SAP130: variants seen among roughly 807,000 people sequenced by gnomAD.
SAP130 encodes the protein histone deacetylase complex subunit SAP130.
Under a neutral mutation model 103.2 loss-of-function variants are expected in SAP130, and 16 were observed. The ratio of observed to expected loss-of-function variants is 0.16; its 90% CI spans 0.10 to 0.24. The LOEUF (loss-of-function observed/expected upper bound fraction) is 0.24, where lower values mean the gene tolerates loss of function less well. Ranked by LOEUF, SAP130 falls within the 10% of genes least tolerant of loss-of-function variation. SAP130 has a pLI of 1.00. For synonymous variants in SAP130, 477 were observed against 497.0 expected (o/e 0.96, Z 0.53); for missense variants, 990 against 1,359.7 (o/e 0.73, Z 4.28).
At chr2:128,017,573 A>C in intron 3 of SAP130, 107 bp downstream of exon 3, 1 of 991,928 alleles carries the variant, frequency 1.0e-6, no homozygotes, top group Non-Finnish European at 1.5e-6. Flanking sequence ...ATAAAGAAAA[A>C]ATGAAATGTG....
intron 14 of SAP130, among the ~76,000 whole-genome samples, 166 bp from the exon 15 acceptor site, chr2:127,978,255 T>C (rs1248794815): frequency 6.6e-6 from 1 of 151,900 alleles, no homozygotes; most frequent in Non-Finnish European, 1.5e-5. Context: ...ACAGACACAT[T>C]ACCAAAAAAC....
rs1157586065 is a variant in SAP130 at position 128,016,449 on chromosome 2, G to T, written c.447C>A (p.Thr149=). The T allele has an allele frequency of 2.5e-6, 4 of 1,613,954 alleles. No homozygotes were observed. Among genetic ancestry groups the T allele is most frequent in the African/African-American group, 2.7e-5 (2 of 74,900 alleles). ...AAGCTTGAGGGATGCTACTCTCCAT[G>T]GTAACGGTAACCTGCCCTGGAACCT... ...PPKVPGQVTV[T]MESSIPQASA... The change falls in exon 4 of 21, where the codon ACC becomes ACA. Residue 149 remains threonine, a synonymous_variant. Transcript: ENST00000643581.
chr2:128,023,168 T>C (rs1310345968), intron 2 of SAP130, among the ~76,000 whole-genome samples: 2 of 152,098 alleles, frequency 1.3e-5, no homozygotes, highest in African/African-American at 4.8e-5. Context: ...CTAATTTTTG[T>C]ATTTTTAGTA....
Position 127,950,219 on chromosome 2 carries a change from G to A in SAP130, c.2612C>T (p.Thr871Ile). The change falls in exon 17 of 21, where the codon ACT (threonine) becomes ATT (isoleucine). Residue 871 changes from threonine (T) to isoleucine (I), a missense_variant. By Grantham distance (89) the Thr-to-Ile change is moderately conservative. This residue lies in a region of SAP130 where 61 missense variants were observed against 73.8 expected (regional missense o/e 0.83). Coordinates refer to ENST00000643581, the MANE Select transcript of SAP130 (RefSeq NM_001330301.2). Reference protein sequence around the residue: ...ETNSTDDEKSTAKSLLVKAEK... With the variant: ...ETNSTDDEKSIAKSLLVKAEK... ...AGCCTTCACCAGAAGACTCTTGGCAGTGGACTTCTCATCATCAGTGCTGTT... is the reference window on the plus strand; with the variant it reads ...AGCCTTCACCAGAAGACTCTTGGCAATGGACTTCTCATCATCAGTGCTGTT... The A allele has an allele frequency of 6.2e-6, 10 of 1,614,190 alleles. No homozygotes were observed. The highest frequency in any genetic ancestry group is 8.5e-6 in the Non-Finnish European group (10 of 1,180,016).
rs189287092 is a variant in SAP130 at position 127,956,892 on chromosome 2, A to G, written c.2064-1548T>C. 1.5e-3 allele frequency among the ~76,000 whole-genome samples: 227 copies of G among 152,278 alleles called. 2 individuals carry two copies. Among genetic ancestry groups the G allele is most frequent in the South Asian group, 6.0e-3 (29 of 4,828 alleles). On this transcript the variant is annotated intron_variant, in intron 15 of 20. Transcript: ENST00000643581. ...CCACTTCTTACTAACCAAAGGTCACAGAAGTTTCTGTGTTGTTGTTGAGTG... is the reference window on the plus strand; with the variant it reads ...CCACTTCTTACTAACCAAAGGTCACGGAAGTTTCTGTGTTGTTGTTGAGTG...
At chr2:128,026,106 T>C (rs775549772) in intron 2 of SAP130, 75 bp downstream of exon 2, 146 of 953,184 alleles carry the variant, frequency 1.5e-4, no homozygotes, top group Non-Finnish European at 2.1e-4. Flanking sequence ...TAGAAGAATC[T>C]GCTAATTTTT....
At chr2:128,024,063 T>C (rs1040667346) in intron 2 of SAP130, among the ~76,000 whole-genome samples, 1 of 151,952 alleles carries the variant, frequency 6.6e-6, no homozygotes, top group African/African-American at 2.4e-5. Context: ...AGTCCCAAAG[T>C]CGTGAAATTG....
chr2:127,944,692 C>T (rs1678948012), intron 19 of SAP130, among the ~76,000 whole-genome samples: 1 of 152,060 alleles, frequency 6.6e-6, no homozygotes, highest in African/African-American at 2.4e-5. Context: ...TCCCAAAGTG[C>T]TGGGATTACA....
At chr2:127,961,039 G>T (rs530787047) in intron 15 of SAP130, among the ~76,000 whole-genome samples, 6 of 149,604 alleles carry the variant, frequency 4.0e-5, no homozygotes, top group African/African-American at 1.5e-4. Flanking sequence ...GCCCAGACTG[G>T]AGTACAGTGG....
chr2:127,948,368 C>A (rs1430980395), intron 18 of SAP130, among the ~76,000 whole-genome samples: 1 of 123,830 alleles, frequency 8.1e-6, no homozygotes, highest in East Asian at 2.4e-4. Flanking sequence ...GAGTCTTGCT[C>A]GGTCACCCAG....
At chr2:127,991,764 A>G (rs1180157125) in intron 12 of SAP130, among the ~76,000 whole-genome samples, 1 of 152,218 alleles carries the variant, frequency 6.6e-6, no homozygotes, top group East Asian at 1.9e-4. Context: ...TGATTTCATA[A>G]AGCCTACAAC....
At position 128,026,326 on chromosome 2, in the gene SAP130, T is replaced by C. The variant is rs775622855; in HGVS notation, c.-6-28A>G. On this transcript the variant is annotated intron_variant, in intron 1 of 20. Transcript: ENST00000643581. ...GTAGTACATACAGTTATATGGTTAT[T>C]ACTAGATTCTGAGATCTGAATCAAT... 16 of 1,466,084 alleles carry C rather than the reference T, an allele frequency of 1.1e-5. No individual in the cohort carries two copies. The South Asian group carries it at 1.7e-4, about 16-fold the overall frequency. The allele number at this position is 1,466,084 out of a possible 1,614,324, so 90.8% of individuals were successfully genotyped here.
intron 15 of SAP130, among the ~76,000 whole-genome samples, chr2:127,963,545 C>T (rs561820037): frequency 6.6e-6 from 1 of 152,268 alleles, no homozygotes; most frequent in Admixed American, 6.5e-5. Context: ...GTCAAATTTC[C>T]CAAAACTTTC....
At chr2:128,005,414 C>T (rs1011532011) in intron 7 of SAP130, among the ~76,000 whole-genome samples, 2 of 151,902 alleles carry the variant, frequency 1.3e-5, no homozygotes, top group Non-Finnish European at 2.9e-5. Context: ...GTCAGGAGTT[C>T]GAGACCAGCC....
intron 18 of SAP130, among the ~76,000 whole-genome samples, chr2:127,945,913 A>G (rs1679046087): frequency 6.6e-6 from 1 of 152,184 alleles, no homozygotes; most frequent in African/African-American, 2.4e-5. Context: ...ATGGCCTCCC[A>G]AAGTGTTGGG....
chr2:127,975,063 G>A (rs1324430890), intron 15 of SAP130, among the ~76,000 whole-genome samples: 1 of 152,204 alleles, frequency 6.6e-6, no homozygotes, highest in Non-Finnish European at 1.5e-5. Flanking sequence ...CCATTGTTAT[G>A]TGGCTAGCTC....
At chr2:127,944,469 G>A (rs779095282) in intron 19 of SAP130, among the ~76,000 whole-genome samples, 20 of 150,092 alleles carry the variant, frequency 1.3e-4, no homozygotes, top group Non-Finnish European at 2.1e-4. Context: ...TTGCTCTTTC[G>A]CCCAGGCTTG....
At chr2:127,969,290 C>T (rs1680900100) in intron 15 of SAP130, among the ~76,000 whole-genome samples, 1 of 152,072 alleles carries the variant, frequency 6.6e-6, no homozygotes, top group Admixed American at 6.5e-5. Context: ...GAGTTTTTAC[C>T]CAGGATTATA....
chr2:127,942,345 G>C lies in SAP130; in HGVS notation c.3015+79C>G. 6.1e-6 allele frequency: 7 copies of C among 1,145,190 alleles called. No individual in the cohort carries two copies. In the South Asian group the frequency reaches 8.9e-5, roughly 15 times the overall value. The allele number at this position is 1,145,190 out of a possible 1,614,324, so 70.9% of individuals were successfully genotyped here. A position where few individuals can be genotyped will look rare whatever the true frequency, so the allele number is the denominator to read the frequency against. On this transcript the variant is annotated intron_variant, in intron 20 of 20. Transcript: ENST00000643581. The surrounding 1 kb of genome is among the most constrained non-coding windows in gnomAD (Gnocchi z 4.8). Reference sequence around the variant, plus strand: ...TTTACTGAAGATATGAGGGAGACGGGGGGAAACGGGAGAAGTAGGGCTTTA... The same window carrying C: ...TTTACTGAAGATATGAGGGAGACGGCGGGAAACGGGAGAAGTAGGGCTTTA...
Sources: gnomAD v4.1 joint callset for allele counts (sites outside exome capture counted in the v4.1 genomes callset) on GRCh38, gnomAD v4.1.1 for gene constraint, gnomAD v4.1.1 regional missense constraint, Gnocchi (gnomAD v3.1) non-coding constraint, MANE v1.5 for transcripts, NCBI Gene and HGNC (gene_info 2026-07-23, HGNC 2026-07-21) for gene names.